Variants in NCBP3 observed in about 807,000 individuals in gnomAD.
The protein encoded by NCBP3 is nuclear cap binding subunit 3.
A neutral mutation model predicts 75.7 loss-of-function variants in NCBP3; 20 were observed. The ratio of observed to expected loss-of-function variants is 0.26; its 90% CI spans 0.19 to 0.38. The LOEUF is 0.38. NCBP3 is among the 10% of genes least tolerant of loss of function. The probability of loss-of-function intolerance (pLI) is 1.00; values close to 1 mark genes in which losing one functional copy is unlikely to be tolerated. For missense variants in NCBP3, 678 were observed against 796.9 expected (o/e 0.85, Z 1.80); for synonymous variants, 293 against 290.5 (o/e 1.01, Z -0.09).
In NCBP3 at chr17:3,805,301, C is replaced by A. The variant is rs1486548589; in HGVS notation, c.*7743G>T. On this transcript the variant is annotated 3_prime_UTR_variant, in exon 13 of 13. Coordinates refer to ENST00000389005, the MANE Select transcript of NCBP3 (RefSeq NM_001114118.3). ...AACTTTAAAAAAGCAGAGATTTCAT[C>A]CCACAAATGCAGACTGGGATCTCCA... The A allele has an allele frequency of 1.3e-5, 2 of 152,206 alleles. No homozygotes were observed. The highest frequency in any genetic ancestry group is 2.9e-5 in the Non-Finnish European group (2 of 68,060). The allele number at this position is 152,206 out of a possible 1,614,324, so 9.4% of individuals were successfully genotyped here.
In NCBP3 at chr17:3,812,949, AGG is replaced by A; in HGVS notation, c.*93_*94del. ...GGGTGACTGTGTGAGCAGGAGCGAG[AGG>A]GCGCCAGCTCCTGCGGGGGAGGTTC... On this transcript the variant is annotated 3_prime_UTR_variant, in exon 13 of 13. Transcript: ENST00000389005. 1 of 1,559,590 alleles carries A rather than the reference AGG, an allele frequency of 6.4e-7. No individual in the cohort carries two copies. Among genetic ancestry groups the A allele is most frequent in the South Asian group, 1.2e-5 (1 of 82,194 alleles).
intron 2 of NCBP3, among the ~76,000 whole-genome samples, chr17:3,841,953 AAACTT>A (rs1302238688): frequency 2.0e-5 from 3 of 152,318 alleles, no homozygotes; most frequent in African/African-American, 7.2e-5. Context: ...ATTCTGTTCC[AAACTT>A]AACTGTAAAC....
intron 12 of NCBP3, among the ~76,000 whole-genome samples, chr17:3,813,613 A>T (rs1342202336): frequency 1.3e-5 from 2 of 152,198 alleles, no homozygotes; most frequent in Non-Finnish European, 1.5e-5. Context: ...GTGCCAATCC[A>T]TTCTGCCAGA....
chr17:3,813,770 G>A (rs977330106), intron 12 of NCBP3, among the ~76,000 whole-genome samples: 10 of 152,160 alleles, frequency 6.6e-5, no homozygotes, highest in Admixed American at 5.2e-4. Context: ...TTGAGACAAG[G>A]TCTTGCTGTT....
chr17:3,833,734 G>GT (rs368458250), intron 3 of NCBP3, among the ~76,000 whole-genome samples: 1 of 151,918 alleles, frequency 6.6e-6, no homozygotes, highest in East Asian at 1.9e-4. Context: ...CTGTATGTAG[G>GT]TTTTTTTAAT....
Position 3,846,197 on chromosome 17 carries a change from C to T in NCBP3, c.27G>A (p.Val9=). The part of the protein sequence containing the change: MAAVRGLR[V]SVKAEAPAGP... The stretch of plus-strand genomic sequence containing the variant: ...CCGCCGGGGCCTCCGCCTTCACCGA[C>T]ACCCGCAGGCCCCGTACGGCCGCCA... Residue 9 remains valine, a synonymous_variant, in exon 1 of 13, where the codon GTG becomes GTA. Transcript: ENST00000389005. This position sits in a 1 kb window ranked among gnomAD's most constrained non-coding sequence, Gnocchi z 4.6. 2 of 1,501,186 alleles carry T rather than the reference C, an allele frequency of 1.3e-6. No homozygotes were observed. Among genetic ancestry groups the T allele is most frequent in the Non-Finnish European group, 1.8e-6 (2 of 1,126,902 alleles). 93.0% of individuals were successfully genotyped at this position (1,501,186 alleles called of 1,614,324 possible).
At chr17:3,823,449 A>G (rs921150464) in intron 7 of NCBP3, among the ~76,000 whole-genome samples, 6 of 152,260 alleles carry the variant, frequency 3.9e-5, no homozygotes, top group Non-Finnish European at 5.9e-5. Context: ...ACAAACAGGT[A>G]AAAACAGAAG....
In NCBP3 at chr17:3,813,296, G is replaced by A; in HGVS notation, c.1628-17C>T. On this transcript the variant is annotated splice_polypyrimidine_tract_variant and intron_variant, in intron 12 of 12. Transcript: ENST00000389005. Reference sequence around the variant, plus strand: ...ATAAATTACCTGTTTGGATGAGATGGCATTTCACTTTCGCAGTCAGCGCTA... The same window carrying A: ...ATAAATTACCTGTTTGGATGAGATGACATTTCACTTTCGCAGTCAGCGCTA... 3 of 1,613,004 alleles carry A rather than the reference G, an allele frequency of 1.9e-6. No individual in the cohort carries two copies. Among genetic ancestry groups the A allele is most frequent in the Non-Finnish European group, 2.5e-6 (3 of 1,179,834 alleles).
rs1267506371 is a variant in NCBP3 at position 3,821,323 on chromosome 17, T to C, written c.926A>G (p.Gln309Arg). Residue 309 changes from glutamine to arginine, a missense_variant, in exon 9 of 13, where the codon CAG (glutamine) becomes CGG (arginine). Transcript: ENST00000389005. ...GGCTCTCTTCTTGATCACGTCCCGC[T>C]GAATACGACGGGAATGATATCTTCG... Reference protein sequence around the residue: ...WKRRYHSRRIQRDVIKKRALI... With the variant: ...WKRRYHSRRIRRDVIKKRALI... 2 of 1,613,972 alleles carry C rather than the reference T, an allele frequency of 1.2e-6. No homozygotes were observed. Among genetic ancestry groups the C allele is most frequent in the Non-Finnish European group, 1.7e-6 (2 of 1,179,954 alleles).
intron 3 of NCBP3, among the ~76,000 whole-genome samples, chr17:3,837,733 C>CA (rs370179376): frequency 0.28 from 24,228 of 87,142 alleles, 2,409 homozygotes; most frequent in Middle Eastern, 0.34. Context: ...GCCTCTGTCT[C>CA]AAAAAAAAAA....
At position 3,810,510 on chromosome 17, in the gene NCBP3, AG is replaced by A. The variant is rs1190408104; in HGVS notation, c.*2533del. 6.6e-6 allele frequency: 1 copy of A among 152,232 alleles called. No homozygotes were observed. Among genetic ancestry groups the A allele is most frequent in the African/African-American group, 2.4e-5 (1 of 41,448 alleles). The allele number at this position is 152,232 out of a possible 1,614,324, so 9.4% of individuals were successfully genotyped here. ...CAGCCCTGTGCCCACATGTGTGGGG[AG>A]TGTCCAGGGTAAAATCACGCCCAGC... is the stretch of plus-strand genomic sequence containing the variant. On this transcript the variant is annotated 3_prime_UTR_variant, in exon 13 of 13. Coordinates refer to ENST00000389005, the MANE Select transcript of NCBP3 (RefSeq NM_001114118.3).
Position 3,836,609 on chromosome 17 carries a change from C to T in NCBP3, c.355+3491G>A, listed in dbSNP as rs529225364. 1.7e-4 allele frequency among the ~76,000 whole-genome samples: 25 copies of T among 147,396 alleles called. No homozygotes were observed. The South Asian group carries it at 4.9e-3, about 29-fold the overall frequency. On this transcript the variant is annotated intron_variant, in intron 3 of 12. Transcript: ENST00000389005. ...CGGAGGTTATAGTGAGCCAAGATTG[C>T]GCCACTGCACTCCAGCCTAGGCAAC...
Position 3,824,925 on chromosome 17 carries a change from C to A in NCBP3, c.796+17G>T, listed in dbSNP as rs994306010. On this transcript the variant is annotated intron_variant, in intron 7 of 12. Coordinates refer to ENST00000389005, the MANE Select transcript of NCBP3 (RefSeq NM_001114118.3). Reference sequence around the variant, plus strand: ...TTTTGATTGAAAATATAAAACAATACCAAATATTACATTTACCTTTTGTAG... The same window carrying A: ...TTTTGATTGAAAATATAAAACAATAACAAATATTACATTTACCTTTTGTAG... 1 of 1,336,700 alleles carries A rather than the reference C, an allele frequency of 7.5e-7. No individual in the cohort carries two copies. Among genetic ancestry groups the A allele is most frequent in the Admixed American group, 2.2e-5 (1 of 45,232 alleles). The allele number at this position is 1,336,700 out of a possible 1,614,324, so 82.8% of individuals were successfully genotyped here. A position where few individuals can be genotyped will look rare whatever the true frequency, so the allele number is the denominator to read the frequency against.
At chr17:3,843,432 C>T (rs2054102507) in intron 1 of NCBP3, among the ~76,000 whole-genome samples, 1 of 152,134 alleles carries the variant, frequency 6.6e-6, no homozygotes, top group Non-Finnish European at 1.5e-5. Flanking sequence ...CAGGGTCTCC[C>T]TATGTTGCCC....
rs374773320 is a variant in NCBP3, at chr17:3,811,254, G to A, written c.*1790C>T. 19 of 152,384 alleles carry A rather than the reference G, an allele frequency of 1.2e-4. No individual in the cohort carries two copies. The highest frequency in any genetic ancestry group is 4.1e-4 in the African/African-American group (17 of 41,536). 9.4% of individuals were successfully genotyped at this position (152,384 alleles called of 1,614,324 possible). On this transcript the variant is annotated 3_prime_UTR_variant, in exon 13 of 13. Transcript: ENST00000389005. Reference sequence around the variant, plus strand: ...CAGAGCCAGGGGTTGGCATCCAGGTGTCCGATTCTCAGGCCCCCGCACTCC... The same window carrying A: ...CAGAGCCAGGGGTTGGCATCCAGGTATCCGATTCTCAGGCCCCCGCACTCC...
chr17:3,827,177 C>T (rs2053803928), intron 4 of NCBP3, among the ~76,000 whole-genome samples: 2 of 152,042 alleles, frequency 1.3e-5, no homozygotes, highest in Admixed American at 6.6e-5. Flanking sequence ...CCTAGAGCTG[C>T]GTTTCCAAAC....
chr17:3,814,289 T>C, intron 12 of NCBP3, 33 bp downstream of exon 12: 1 of 1,609,100 alleles, frequency 6.2e-7, no homozygotes, highest in Non-Finnish European at 8.5e-7. Flanking sequence ...TCTCACTGAA[T>C]CCCCATTCCC....
intron 6 of NCBP3, among the ~76,000 whole-genome samples, chr17:3,825,378 A>G (rs1375970270): frequency 1.3e-5 from 2 of 152,212 alleles, no homozygotes; most frequent in African/African-American, 4.8e-5. Flanking sequence ...TTGAAGCTAT[A>G]TCCCTAGCAC....
intron 2 of NCBP3, among the ~76,000 whole-genome samples, chr17:3,842,286 G>C (rs924525878): frequency 6.7e-6 from 1 of 148,600 alleles, no homozygotes; most frequent in South Asian, 2.2e-4. Context: ...TTAGCCAGGC[G>C]TGGTGGCGGG....
Sources: allele counts gnomAD v4.1 joint callset (sites outside exome capture counted in the v4.1 genomes callset), GRCh38; gene constraint gnomAD v4.1.1; non-coding constraint Gnocchi (gnomAD v3.1); transcripts MANE v1.5; gene names NCBI Gene and HGNC (gene_info 2026-07-23, HGNC 2026-07-21).